Variants in MKLN1 observed in about 807,000 individuals in gnomAD.
MKLN1 encodes the protein muskelin.
Under a neutral mutation model 99.0 loss-of-function variants are expected in MKLN1, and 18 were observed. That is an observed-to-expected ratio of 0.18 (90% confidence interval 0.13 to 0.27). MKLN1 has a LOEUF of 0.27. Ranked by LOEUF, MKLN1 falls within the 10% of genes least tolerant of loss-of-function variation. The probability of loss-of-function intolerance (pLI) is 1.00; values close to 1 mark genes in which losing one functional copy is unlikely to be tolerated. For missense variants in MKLN1, 621 were observed against 875.9 expected, an observed-to-expected ratio of 0.71 and a Z score of 3.67; for synonymous variants, 288 against 293.2, an observed-to-expected ratio of 0.98 and a Z score of 0.18.
At position 131,466,341 on chromosome 7, in the gene MKLN1, C is replaced by T; in HGVS notation, c.1854C>T (p.Phe618=). The change falls in exon 15 of 18, where the codon TTC becomes TTT. Residue 618 remains phenylalanine, a synonymous_variant. Transcript: ENST00000352689. ...SCSPKMRLDD[F]WSLKLCRPSK... ...CTCCAAAGATGAGATTAGATGACTT[C>T]TGGTCACTGAAGTTGTGTAGACCTT... The T allele has an allele frequency of 6.2e-7, 1 of 1,607,932 alleles. No individual in the cohort carries two copies. Among genetic ancestry groups the T allele is most frequent in the Non-Finnish European group, 8.5e-7 (1 of 1,175,728 alleles).
chr7:131,278,113 G>A (rs954604263), intron 3 of MKLN1, among the ~76,000 whole-genome samples: 3 of 151,956 alleles, frequency 2.0e-5, no homozygotes, highest in Admixed American at 6.6e-5. Flanking sequence ...CGTGATCTCA[G>A]CTCACTGCAA....
At chr7:131,121,608 C>G (rs1341300030) in intron 1 of MKLN1, among the ~76,000 whole-genome samples, 1 of 127,442 alleles carries the variant, frequency 7.8e-6, no homozygotes. Context: ...CACTGCACTC[C>G]AGCCTGAGTG....
chr7:131,153,228 A>G (rs1795915375), intron 2 of MKLN1, among the ~76,000 whole-genome samples: 1 of 152,002 alleles, frequency 6.6e-6, no homozygotes, highest in Non-Finnish European at 1.5e-5. Flanking sequence ...GCTTTGTCTT[A>G]TTTTTAAGTA....
intron 1 of MKLN1, among the ~76,000 whole-genome samples, chr7:131,359,505 G>C (rs963734075): frequency 2.0e-5 from 3 of 152,148 alleles, no homozygotes; most frequent in African/African-American, 7.2e-5. Flanking sequence ...GTTAGATCTA[G>C]TTGATTGATG....
chr7:131,247,794 CTT>C (rs1421424457), intron 3 of MKLN1, among the ~76,000 whole-genome samples: 1 of 152,170 alleles, frequency 6.6e-6, no homozygotes, highest in Non-Finnish European at 1.5e-5. Flanking sequence ...AGGGTTTTGT[CTT>C]AGCGTTAAGA....
intron 3 of MKLN1, among the ~76,000 whole-genome samples, chr7:131,238,008 A>C (rs1035610363): frequency 6.6e-5 from 10 of 152,154 alleles, no homozygotes; most frequent in African/African-American, 2.4e-4. Context: ...TTATCTGGGC[A>C]TGGTGGTGGG....
intron 12 of MKLN1, among the ~76,000 whole-genome samples, chr7:131,448,943 T>A (rs1328460279): frequency 3.3e-5 from 5 of 152,224 alleles, no homozygotes; most frequent in African/African-American, 1.2e-4. Flanking sequence ...CACTTGGGAT[T>A]CATCTATGGA....
At chr7:131,217,606 G>A (rs942315920) in intron 3 of MKLN1, among the ~76,000 whole-genome samples, 1 of 152,242 alleles carries the variant, frequency 6.6e-6, no homozygotes, top group African/African-American at 2.4e-5. Flanking sequence ...GCTGAGGCAG[G>A]CAAATTGCTT....
intron 2 of MKLN1, among the ~76,000 whole-genome samples, chr7:131,158,432 TCAAACAAA>T (rs148403408): frequency 2.0e-5 from 3 of 151,958 alleles, no homozygotes; most frequent in African/African-American, 4.8e-5. Context: ...AAACTCCATC[TCAAACAAA>T]CAAACAAACA....
intron 3 of MKLN1, chr7:131,311,028 C>A (rs1404642660): frequency 6.6e-6 from 1 of 151,636 alleles, no homozygotes; most frequent in African/African-American, 2.4e-5. Flanking sequence ...AAAAAGTCAG[C>A]AAATCTTTTC....
chr7:131,472,966 G>GA (rs1305467125), intron 16 of MKLN1, among the ~76,000 whole-genome samples: 1 of 114,680 alleles, frequency 8.7e-6, no homozygotes, highest in Admixed American at 8.6e-5. Flanking sequence ...AAAAAAAAAA[G>GA]AAAAAAAAAC....
At chr7:131,236,333 A>G (rs1409356661) in intron 3 of MKLN1, among the ~76,000 whole-genome samples, 2 of 152,154 alleles carry the variant, frequency 1.3e-5, no homozygotes, top group Non-Finnish European at 2.9e-5. Context: ...AATGAAATGT[A>G]TGTCCCCTTT....
intron 3 of MKLN1, among the ~76,000 whole-genome samples, chr7:131,315,273 G>A (rs957806860): frequency 6.6e-6 from 1 of 151,994 alleles, no homozygotes; most frequent in African/African-American, 2.4e-5. Context: ...TGGAGAGCAA[G>A]CAGAAGGGTG....
At chr7:131,124,654 C>T (rs570898267) in intron 1 of MKLN1, among the ~76,000 whole-genome samples, 2 of 152,290 alleles carry the variant, frequency 1.3e-5, no homozygotes, top group South Asian at 2.1e-4. Context: ...TATGGGTTTC[C>T]ACCTTGCCCT....
intron 5 of MKLN1, 24 bp from the exon 6 acceptor site, chr7:131,399,217 C>A: frequency 6.2e-7 from 1 of 1,601,306 alleles, no homozygotes; most frequent in Non-Finnish European, 8.5e-7. Context: ...CTCTTCTTTC[C>A]ATACTTACTC....
At chr7:131,194,720 C>G (rs1796617019) in intron 2 of MKLN1, among the ~76,000 whole-genome samples, 1 of 152,186 alleles carries the variant, frequency 6.6e-6, no homozygotes, top group Non-Finnish European at 1.5e-5. Context: ...GATTCAAATA[C>G]TGAATGTGTT....
At chr7:131,471,714 A>G (rs1278255353) in intron 16 of MKLN1, 2 of 152,228 alleles carry the variant, frequency 1.3e-5, no homozygotes, top group East Asian at 3.8e-4. Context: ...TGCTGATTAT[A>G]TGTAGTTCTG....
chr7:131,358,057 C>T (rs6969165), intron 1 of MKLN1, among the ~76,000 whole-genome samples: 2,992 of 152,068 alleles, frequency 0.02, 81 homozygotes, highest in African/African-American at 0.066. Context: ...CTGTTTTTTT[C>T]CCCCGCTTAT....
chr7:131,115,873 C>T (rs1322813736), intron 1 of MKLN1, among the ~76,000 whole-genome samples: 1 of 152,198 alleles, frequency 6.6e-6, no homozygotes, highest in Non-Finnish European at 1.5e-5. Context: ...CCTTCTCTCT[C>T]CACGTTTCCA....
Sources: gnomAD v4.1 joint callset for allele counts (sites outside exome capture counted in the v4.1 genomes callset) on GRCh38, gnomAD v4.1.1 for gene constraint, MANE v1.5 for transcripts, NCBI Gene and HGNC (gene_info 2026-07-23, HGNC 2026-07-21) for gene names.